Variants in LHFPL7 observed in about 807,000 individuals in gnomAD.
LHFPL7 encodes LHFPL tetraspan subfamily member 7 protein.
the LHFPL7 span, among the ~76,000 whole-genome samples, chr22:24,936,998 A>T: frequency 6.7e-6 from 1 of 149,080 alleles, no homozygotes; most frequent in African/African-American, 2.5e-5. Flanking sequence ...GCAAATGTTT[A>T]TTGGGCACCT....
chr22:24,936,763 G>C, the LHFPL7 span, among the ~76,000 whole-genome samples: 21 of 151,824 alleles, frequency 1.4e-4, no homozygotes, highest in Admixed American at 2.0e-4. Flanking sequence ...CTTGGCTCAG[G>C]TGGGACCTCC....
the LHFPL7 span, chr22:24,939,461 G>C: frequency 1.4e-6 from 1 of 703,162 alleles, no homozygotes; most frequent in Non-Finnish European, 2.6e-6. Flanking sequence ...TCTGGAACCA[G>C]GCAGGGGAGA....
chr22:24,946,441 A>ACACC, the LHFPL7 span: 1 of 121,246 alleles, frequency 8.2e-6, no homozygotes, highest in Admixed American at 1.1e-4. Flanking sequence ...ACACACACAC[A>ACACC]CAATTGTATG....
chr22:24,945,834 A>G, the LHFPL7 span, among the ~76,000 whole-genome samples: 1 of 152,156 alleles, frequency 6.6e-6, no homozygotes, highest in Admixed American at 6.5e-5. Context: ...CTCTTATCAC[A>G]TTCTCCCGGC....
chr22:24,939,394 A>T, the LHFPL7 span: 1 of 703,042 alleles, frequency 1.4e-6, no homozygotes, highest in African/African-American at 1.7e-5. Context: ...CTCTGGTTCC[A>T]ACTGTTGCCC....
chr22:24,945,142 A>G, the LHFPL7 span, among the ~76,000 whole-genome samples: 11 of 152,006 alleles, frequency 7.2e-5, no homozygotes, highest in Admixed American at 4.6e-4. Flanking sequence ...GCTTCAAGAG[A>G]TCCTCCTGCT....
chr22:24,939,827 T>G, the LHFPL7 span, among the ~76,000 whole-genome samples: 76,446 of 151,856 alleles, frequency 0.5, 19,803 homozygotes, highest in East Asian at 0.73. Flanking sequence ...TCCACCTTCT[T>G]CATGGCACAT....
At chr22:24,943,472 A>C in the LHFPL7 span, among the ~76,000 whole-genome samples, 1 of 152,216 alleles carries the variant, frequency 6.6e-6, no homozygotes, top group Non-Finnish European at 1.5e-5. Context: ...ATAGCAGTCA[A>C]CAATTTCTGG....
chr22:24,937,631 C>T, the LHFPL7 span, among the ~76,000 whole-genome samples: 1 of 152,138 alleles, frequency 6.6e-6, no homozygotes, highest in Non-Finnish European at 1.5e-5. Context: ...TTGCTGTAAT[C>T]CAGGCAAGAG....
the LHFPL7 span, among the ~76,000 whole-genome samples, chr22:24,937,645 G>A: frequency 2.8e-4 from 43 of 152,330 alleles, no homozygotes; most frequent in African/African-American, 1.0e-3. Context: ...GCAAGAGATG[G>A]TGGAGCATTA....
the LHFPL7 span, among the ~76,000 whole-genome samples, chr22:24,940,570 T>G: frequency 1.3e-5 from 2 of 150,172 alleles, no homozygotes; most frequent in Non-Finnish European, 3.0e-5. Context: ...CACTCCAGCC[T>G]GGGCGACAGA....
At chr22:24,935,519 G>A in the LHFPL7 span, 2 of 1,614,060 alleles carry the variant, frequency 1.2e-6, no homozygotes, top group South Asian at 1.1e-5. Flanking sequence ...ACATGGAGGA[G>A]GCTTCGCACA....
the LHFPL7 span, chr22:24,935,109 G>A: frequency 1.8e-6 from 1 of 560,264 alleles, no homozygotes; most frequent in Non-Finnish European, 3.1e-6. Flanking sequence ...ATGGTGCAAA[G>A]TGCTTTATTT....
At chr22:24,941,599 TTTG>T in the LHFPL7 span, among the ~76,000 whole-genome samples, 1,086 of 96,354 alleles carry the variant, frequency 0.011, 14 homozygotes, top group African/African-American at 0.036. Context: ...TTTGCGTATA[TTTG>T]TTTTTTTTTT....
chr22:24,943,296 A>G, the LHFPL7 span, among the ~76,000 whole-genome samples: 1 of 152,174 alleles, frequency 6.6e-6, no homozygotes, highest in Non-Finnish European at 1.5e-5. Context: ...GATAATGCTC[A>G]ATGTCACCTG....
At chr22:24,939,038 T>C in the LHFPL7 span, among the ~76,000 whole-genome samples, 1 of 152,210 alleles carries the variant, frequency 6.6e-6, no homozygotes, top group African/African-American at 2.4e-5. Context: ...TTTGGAATCA[T>C]CCTGCATGTT....
At chr22:24,938,431 T>C in the LHFPL7 span, 9 of 1,445,492 alleles carry the variant, frequency 6.2e-6, no homozygotes, top group Non-Finnish European at 7.5e-6. Context: ...CCCCTGCTCA[T>C]TGACCAGCTT....
chr22:24,942,892 A>AGTGTGTGT, the LHFPL7 span, among the ~76,000 whole-genome samples: 923 of 128,108 alleles, frequency 7.2e-3, 7 homozygotes, highest in Admixed American at 0.037. Context: ...AAGGGGATAA[A>AGTGTGTGT]GTGTGTGTGT....
At chr22:24,940,332 G>T in the LHFPL7 span, among the ~76,000 whole-genome samples, 990 of 147,520 alleles carry the variant, frequency 6.7e-3, 11 homozygotes, top group African/African-American at 0.023. Context: ...GGTGGCTCAC[G>T]CCTGTAATCC....
Sources: gnomAD v4.1 joint callset for allele counts (sites outside exome capture counted in the v4.1 genomes callset) on GRCh38, gnomAD v4.1.1 for gene constraint, MANE v1.5 for transcripts, NCBI Gene and HGNC (gene_info 2026-07-23, HGNC 2026-07-21) for gene names.